ERAP1: variants seen among roughly 807,000 people sequenced by gnomAD.
ERAP1 encodes the protein endoplasmic reticulum aminopeptidase 1.
ERAP1 carries 86 observed loss-of-function variants against 103.7 expected under a neutral mutation model. The ratio of observed to expected loss-of-function variants is 0.83; its 90% confidence interval spans 0.70 to 0.99. The LOEUF is 0.99. Among genes scored for constraint, ERAP1 ranks in the 50% least tolerant of loss-of-function variants. The probability of loss-of-function intolerance (pLI) is 0.00; values close to 1 mark genes in which losing one functional copy is unlikely to be tolerated. For synonymous variants in ERAP1, 398 were observed against 402.4 expected (o/e 0.99, Z 0.13); for missense variants, 1,009 against 1,128.4 (o/e 0.89, Z 1.52).
chr5:96,888,641 A>G, the ERAP1 span, among the ~76,000 whole-genome samples: 3 of 152,268 alleles, frequency 2.0e-5, no homozygotes, highest in African/African-American at 7.2e-5. Context: ...CTTGGAAGGC[A>G]AGAAAATTTG....
upstream of ERAP1, among the ~76,000 whole-genome samples, chr5:96,810,455 G>A (rs1364039): frequency 2.8e-3 from 425 of 152,360 alleles, 2 homozygotes; most frequent in African/African-American, 9.6e-3. Context: ...ACCCTGTAAT[G>A]TAGATATTAT....
chr5:96,901,508 C>T, the ERAP1 span: 10 of 1,612,760 alleles, frequency 6.2e-6, no homozygotes, highest in South Asian at 4.4e-5. Flanking sequence ...CATTTCAGCT[C>T]GCCTTTCTGG....
chr5:96,879,554 T>C, the ERAP1 span: 2 of 659,810 alleles, frequency 3.0e-6, no homozygotes, highest in Non-Finnish European at 5.1e-6. Flanking sequence ...AGTGTGTTTT[T>C]TTCTTCTAGA....
At position 96,807,816 on chromosome 5, in the gene ERAP1, C is replaced by T. The variant is rs546156568; in HGVS notation, c.-18+44G>A. On this transcript the variant is annotated intron_variant, in intron 1 of 18. Coordinates refer to ENST00000443439, the MANE Select transcript of ERAP1 (RefSeq NM_001040458.3). ...GGGAAGGGGCGGGTGCCGCGCTCTC[C>T]TCCCGGCCCGCAGTCCCCTACCCGC... 82 of 984,694 alleles carry T rather than the reference C, an allele frequency of 8.3e-5. No individual in the cohort carries two copies. In the African/African-American group the frequency reaches 1.3e-3, roughly 16 times the overall value. 61.0% of individuals were successfully genotyped at this position (984,694 alleles called of 1,614,324 possible).
At chr5:96,875,535 C>CA in the ERAP1 span, among the ~76,000 whole-genome samples, 1,019 of 134,940 alleles carry the variant, frequency 7.6e-3, 6 homozygotes, top group Non-Finnish European at 0.011. Context: ...GACCCTATCT[C>CA]AAAAAAAAAA....
the ERAP1 span, among the ~76,000 whole-genome samples, chr5:96,867,326 T>C: frequency 4.6e-5 from 7 of 152,082 alleles, no homozygotes; most frequent in Admixed American, 3.9e-4. Flanking sequence ...GATTATACCC[T>C]GTGCTTTAGT....
the ERAP1 span, among the ~76,000 whole-genome samples, chr5:96,904,430 C>T: frequency 4.6e-5 from 7 of 152,158 alleles, 1 homozygote; most frequent in African/African-American, 1.7e-4. Flanking sequence ...TGAAAGTGAC[C>T]AGCAGGACAT....
chr5:96,902,388 G>A, the ERAP1 span: 2 of 1,338,040 alleles, frequency 1.5e-6, no homozygotes, highest in South Asian at 1.2e-5. Flanking sequence ...GTATTTCAAT[G>A]TGGAAATTAA....
chr5:96,792,872 A>G (rs1349637822), intron 7 of ERAP1, among the ~76,000 whole-genome samples: 2 of 152,234 alleles, frequency 1.3e-5, no homozygotes, highest in African/African-American at 2.4e-5. Flanking sequence ...AAATTTTTAC[A>G]TAAGTTTAAT....
At chr5:96,790,213 A>G (rs1776567879) in intron 10 of ERAP1, 83 bp downstream of exon 10, 1 of 1,214,944 alleles carries the variant, frequency 8.2e-7, no homozygotes, top group Non-Finnish European at 1.2e-6. Flanking sequence ...AGGACCTCAG[A>G]AAGTTTGGCA....
At chr5:96,824,716 C>T in the ERAP1 span, among the ~76,000 whole-genome samples, 12 of 152,204 alleles carry the variant, frequency 7.9e-5, no homozygotes. Context: ...CCTTACTTCT[C>T]TAACACCACT....
chr5:96,901,745 T>C, the ERAP1 span: 1 of 1,528,098 alleles, frequency 6.5e-7, no homozygotes, highest in Non-Finnish European at 8.9e-7. Context: ...TTTCCTTAGC[T>C]TTCTCTCAGC....
At chr5:96,827,455 A>G in the ERAP1 span, among the ~76,000 whole-genome samples, 1 of 152,200 alleles carries the variant, frequency 6.6e-6, no homozygotes, top group Non-Finnish European at 1.5e-5. Flanking sequence ...TGAACTCAAG[A>G]GTTCGTGAAC....
chr5:96,893,658 T>C, the ERAP1 span, among the ~76,000 whole-genome samples: 91 of 152,340 alleles, frequency 6.0e-4, no homozygotes, highest in Non-Finnish European at 9.1e-4. Flanking sequence ...TCCACGGAGA[T>C]GCAGTCAAGT....
the ERAP1 span, among the ~76,000 whole-genome samples, chr5:96,933,648 C>T: frequency 3.9e-5 from 6 of 152,080 alleles, no homozygotes; most frequent in African/African-American, 1.4e-4. Flanking sequence ...GCATGATAGA[C>T]TGTAGGTTAC....
chr5:96,774,739 T>C lies in ERAP1; in HGVS notation c.*1657A>G. 1.0e-6 allele frequency: 1 copy of C among 983,498 alleles called. No individual in the cohort carries two copies. Among genetic ancestry groups the C allele is most frequent in the Non-Finnish European group, 1.2e-6 (1 of 828,008 alleles). 60.9% of individuals were successfully genotyped at this position (983,498 alleles called of 1,614,324 possible). On this transcript the variant is annotated 3_prime_UTR_variant, in exon 19 of 19. Transcript: ENST00000443439. ...AAATAGTTTAGTTTGGGGTGGAAAT[T>C]ACCAGTGATTTCTATTTTTATTAAA...
the ERAP1 span, among the ~76,000 whole-genome samples, chr5:96,861,399 A>T: frequency 2.0e-5 from 3 of 152,198 alleles, no homozygotes; most frequent in Non-Finnish European, 4.4e-5. Flanking sequence ...CCTGAGCCCC[A>T]GCGGATCTGA....
At chr5:96,865,389 G>T in the ERAP1 span, among the ~76,000 whole-genome samples, 1 of 152,140 alleles carries the variant, frequency 6.6e-6, no homozygotes, top group Non-Finnish European at 1.5e-5. Context: ...TTGTAAATAT[G>T]TGTATAAAAG....
chr5:96,907,439 T>C, the ERAP1 span, among the ~76,000 whole-genome samples: 1 of 152,262 alleles, frequency 6.6e-6, no homozygotes, highest in East Asian at 1.9e-4. Context: ...ATAAAGTAGT[T>C]TTAATATGTC....
Sources: gnomAD v4.1 joint callset for allele counts (sites outside exome capture counted in the v4.1 genomes callset) on GRCh38, gnomAD v4.1.1 for gene constraint, MANE v1.5 for transcripts, NCBI Gene and HGNC (gene_info 2026-07-23, HGNC 2026-07-21) for gene names.